MAPK6: variants seen among roughly 807,000 people sequenced by gnomAD.
The protein encoded by MAPK6 is ERK-3.
A neutral mutation model predicts 59.3 loss-of-function variants in MAPK6; 19 were observed. The observed-to-expected ratio is 0.32, with a 90% CI of 0.22 to 0.47. The LOEUF (loss-of-function observed/expected upper bound fraction) is 0.47. Ranked by LOEUF, MAPK6 falls within the 20% of genes least tolerant of loss-of-function variation. MAPK6 has a pLI of 1.00. For missense variants in MAPK6, 724 were observed against 847.9 expected, an observed-to-expected ratio of 0.85 and a Z score of 1.81; for synonymous variants, 316 against 290.3, an observed-to-expected ratio of 1.09 and a Z score of -0.90.
At chr15:51,974,282 A>G (rs545886918) in intron 1 of MAPK6, among the ~76,000 whole-genome samples, 2 of 151,796 alleles carry the variant, frequency 1.3e-5, no homozygotes, top group Admixed American at 6.6e-5. Flanking sequence ...TTACAGTGCT[A>G]AATAACTTCA....
intron 3 of MAPK6, among the ~76,000 whole-genome samples, chr15:52,055,605 T>C (rs1566912472): frequency 6.6e-6 from 1 of 152,164 alleles, no homozygotes; most frequent in Non-Finnish European, 1.5e-5. Context: ...AACCTCCTCC[T>C]CCCGGGTTCA....
chr15:52,052,575 C>A (rs1046825807), intron 3 of MAPK6, among the ~76,000 whole-genome samples: 33 of 75,070 alleles, frequency 4.4e-4, no homozygotes, highest in African/African-American at 1.1e-3. Context: ...TTTCCTCTTT[C>A]CCCCAGCCCC....
At chr15:52,061,074 G>T (rs28718531) in intron 4 of MAPK6, among the ~76,000 whole-genome samples, 1 of 151,998 alleles carries the variant, frequency 6.6e-6, no homozygotes. Context: ...TGTAAATCAG[G>T]TAAGTTTTAT....
chr15:52,008,634 G>C (rs957269543), intron 3 of MAPK6, among the ~76,000 whole-genome samples: 1 of 152,188 alleles, frequency 6.6e-6, no homozygotes, highest in African/African-American at 2.4e-5. Flanking sequence ...CGAGTTCAAA[G>C]ATAAAATCAT....
At chr15:52,051,504 C>T (rs1442748749) in intron 3 of MAPK6, among the ~76,000 whole-genome samples, 1 of 152,194 alleles carries the variant, frequency 6.6e-6, no homozygotes, top group African/African-American at 2.4e-5. Flanking sequence ...GCATAAATGT[C>T]TTTTAAGTAT....
chr15:51,977,907 A>G (rs74950896), intron 1 of MAPK6, among the ~76,000 whole-genome samples: 12 of 151,866 alleles, frequency 7.9e-5, no homozygotes, highest in East Asian at 3.9e-4. Context: ...CCTTTCCTCA[A>G]TTGTCTCAGA....
intron 3 of MAPK6, chr15:52,056,849 TTA>T (rs2032003736): frequency 7.4e-6 from 1 of 135,150 alleles, no homozygotes; most frequent in Admixed American, 7.7e-5. Flanking sequence ...ACTCCTGAAT[TTA>T]TGATGACTCC....
intron 5 of MAPK6, 151 bp from the exon 6 acceptor site, chr15:52,063,751 C>T: frequency 2.0e-6 from 1 of 505,270 alleles, no homozygotes; most frequent in Non-Finnish European, 3.2e-6. Flanking sequence ...CCTATCAAGA[C>T]TAAGTTCTGG....
chr15:52,054,499 G>C (rs1453180493), intron 3 of MAPK6, among the ~76,000 whole-genome samples: 1 of 152,134 alleles, frequency 6.6e-6, no homozygotes, highest in Non-Finnish European at 1.5e-5. Flanking sequence ...TAAAGAATCA[G>C]TTGACCACAC....
At chr15:52,037,846 A>C (rs2031294515) in intron 1 of MAPK6, among the ~76,000 whole-genome samples, 1 of 152,202 alleles carries the variant, frequency 6.6e-6, no homozygotes, top group Non-Finnish European at 1.5e-5. Context: ...TGATTCATTC[A>C]GTACATATTT....
intron 2 of MAPK6, among the ~76,000 whole-genome samples, chr15:51,987,966 A>G (rs2057196461): frequency 1.3e-5 from 2 of 152,004 alleles, no homozygotes; most frequent in South Asian, 2.1e-4. Context: ...GAGTTTCCTC[A>G]TGTTGGCCAG....
intron 1 of MAPK6, among the ~76,000 whole-genome samples, chr15:51,980,448 T>G (rs1043924051): frequency 1.3e-5 from 2 of 149,612 alleles, no homozygotes; most frequent in Admixed American, 1.3e-4. Context: ...GAAAAAACCT[T>G]TGTTTAGGTA....
chr15:52,022,319 G>A (rs1267223972), intron 1 of MAPK6, among the ~76,000 whole-genome samples: 1 of 152,178 alleles, frequency 6.6e-6, no homozygotes, highest in Non-Finnish European at 1.5e-5. Flanking sequence ...GGAGTGTAGT[G>A]GTGCGATCAC....
At chr15:51,987,541 G>A (rs564284244) in intron 2 of MAPK6, among the ~76,000 whole-genome samples, 2 of 151,800 alleles carry the variant, frequency 1.3e-5, no homozygotes, top group East Asian at 2.0e-4. Context: ...GTGTGGGGTC[G>A]GTGGGGAGCA....
chr15:52,047,022 A>G lies in MAPK6; in HGVS notation c.555+7A>G, dbSNP rs2031612090. 1 of 1,527,384 alleles carries G rather than the reference A, an allele frequency of 6.5e-7. No individual in the cohort carries two copies. Among genetic ancestry groups the G allele is most frequent in the South Asian group, 1.3e-5 (1 of 75,060 alleles). 94.6% of individuals were successfully genotyped at this position (1,527,384 alleles called of 1,614,324 possible). A position where few individuals can be genotyped will look rare whatever the true frequency, so the allele number is the denominator to read the frequency against. On this transcript the variant is annotated splice_region_variant and intron_variant, in intron 2 of 5. Transcript: ENST00000261845. ...TCCTCATTATTCCCATAAGGTATGT[A>G]TAGAAAGCCAGCTGAGACAGATCTT...
chr15:51,980,693 C>T (rs1595956460), intron 1 of MAPK6, among the ~76,000 whole-genome samples: 2 of 150,976 alleles, frequency 1.3e-5, no homozygotes, highest in South Asian at 2.1e-4. Context: ...TGGGTTCAAG[C>T]GACTCTCCTG....
chr15:52,010,673 C>G (rs892066420), intron 3 of MAPK6, among the ~76,000 whole-genome samples: 2 of 151,922 alleles, frequency 1.3e-5, no homozygotes, highest in African/African-American at 4.8e-5. Context: ...CACACATCAC[C>G]AGGCCAGGCT....
chr15:52,039,764 A>C (rs1259761415), intron 1 of MAPK6, among the ~76,000 whole-genome samples: 1 of 151,896 alleles, frequency 6.6e-6, no homozygotes, highest in East Asian at 1.9e-4. Context: ...TGTTCTGCCC[A>C]CCTTGGACTC....
At chr15:52,042,875 A>T (rs904787721) in intron 1 of MAPK6, 35 of 152,206 alleles carry the variant, frequency 2.3e-4, no homozygotes, top group Admixed American at 2.0e-3. Flanking sequence ...GAGACTAGAG[A>T]TGTAAAATTT....
Sources: gnomAD v4.1 joint callset for allele counts (sites outside exome capture counted in the v4.1 genomes callset) on GRCh38, gnomAD v4.1.1 for gene constraint, MANE v1.5 for transcripts, NCBI Gene and HGNC (gene_info 2026-07-23, HGNC 2026-07-21) for gene names.